Variants in TXNDC16 observed in about 807,000 individuals in gnomAD.
The protein encoded by TXNDC16 is thioredoxin domain-containing protein 16.
TXNDC16 carries 74 observed loss-of-function variants against 85.6 expected under a neutral mutation model. The observed-to-expected ratio is 0.86, with a 90% CI of 0.72 to 1.05. The LOEUF is 1.05. Among genes scored for constraint, TXNDC16 ranks in the 50% least tolerant of loss-of-function variants. The pLI is 0.00. For synonymous variants in TXNDC16, 335 were observed against 326.5 expected, an observed-to-expected ratio of 1.03 and a Z score of -0.28; for missense variants, 959 against 947.0, an observed-to-expected ratio of 1.01 and a Z score of -0.17.
intron 1 of TXNDC16, among the ~76,000 whole-genome samples, chr14:52,547,188 A>G (rs2037957698): frequency 6.6e-6 from 1 of 152,226 alleles, no homozygotes; most frequent in Non-Finnish European, 1.5e-5. Context: ...GCAAACTGAC[A>G]AAACTGCTCA....
chr14:52,433,292 G>A (rs1170312056), intron 20 of TXNDC16, among the ~76,000 whole-genome samples: 1 of 152,050 alleles, frequency 6.6e-6, no homozygotes, highest in Non-Finnish European at 1.5e-5. Context: ...TATTGAAAGA[G>A]GAAAACTGAT....
At chr14:52,491,098 T>C in intron 9 of TXNDC16, 93 bp from the exon 10 acceptor site, 1 of 1,375,780 alleles carries the variant, frequency 7.3e-7, no homozygotes, top group Non-Finnish European at 9.6e-7. Context: ...AAGTCATGAG[T>C]AAAAAAAAGT....
chr14:52,542,393 T>C lies in TXNDC16; in HGVS notation c.221A>G (p.Asp74Gly). 6.2e-7 allele frequency: 1 copy of C among 1,612,114 alleles called. No homozygotes were observed. Among genetic ancestry groups the C allele is most frequent in the Non-Finnish European group, 8.5e-7 (1 of 1,179,022 alleles). The change falls in exon 4 of 21, where the codon GAC (aspartate) becomes GGC (glycine). Residue 74 changes from aspartate to glycine, a missense_variant. By Grantham distance (94) the Asp-to-Gly change is moderately conservative. Transcript: ENST00000281741. ...ELNEAVRPLQ[D>G]YGISVAKVNC... Reference sequence around the variant, plus strand: ...TACCTTGGCAACTGAAATTCCATAGTCCTGCAGAGGTCTAACAGCCTCATT... The same window carrying C: ...TACCTTGGCAACTGAAATTCCATAGCCCTGCAGAGGTCTAACAGCCTCATT...
chr14:52,476,213 C>G (rs538936579), intron 14 of TXNDC16, among the ~76,000 whole-genome samples: 5 of 152,248 alleles, frequency 3.3e-5, no homozygotes, highest in Admixed American at 2.6e-4. Flanking sequence ...TCTGACAGAG[C>G]CTACCCACAT....
At chr14:52,529,675 AATATAT>A (rs1478365008) in intron 6 of TXNDC16, among the ~76,000 whole-genome samples, 1 of 106,758 alleles carries the variant, frequency 9.4e-6, no homozygotes, top group Non-Finnish European at 1.7e-5. Context: ...TATTATATAT[AATATAT>A]ATAATGCCTA....
chr14:52,488,167 T>G (rs2036312866), intron 12 of TXNDC16, among the ~76,000 whole-genome samples, 196 bp downstream of exon 12: 2 of 152,226 alleles, frequency 1.3e-5, no homozygotes, highest in African/African-American at 2.4e-5. Context: ...GTTAATACAT[T>G]AAACAAAATA....
intron 20 of TXNDC16, among the ~76,000 whole-genome samples, chr14:52,437,776 A>T (rs2035063900): frequency 6.6e-6 from 1 of 152,250 alleles, no homozygotes; most frequent in South Asian, 2.1e-4. Context: ...GACACTTCTG[A>T]AAAGAAGACA....
intron 6 of TXNDC16, among the ~76,000 whole-genome samples, chr14:52,525,931 A>T (rs2037323938): frequency 6.6e-6 from 1 of 151,778 alleles, no homozygotes; most frequent in Admixed American, 6.6e-5. Context: ...TCTCTAAATC[A>T]CTTACTTATC....
intron 6 of TXNDC16, among the ~76,000 whole-genome samples, chr14:52,531,689 T>C (rs553874023): frequency 6.6e-6 from 1 of 152,080 alleles, no homozygotes. Flanking sequence ...CAGAGCATTT[T>C]GGGGGTAGTG....
chr14:52,490,881 G>A lies in TXNDC16; in HGVS notation c.881C>T (p.Ala294Val). Residue 294 changes from alanine to valine, a missense_variant, in exon 10 of 21, where the codon GCT (alanine) becomes GTT (valine). Coordinates refer to ENST00000281741, the MANE Select transcript of TXNDC16 (RefSeq NM_020784.3). ...TCCTGCTTTTCCCAGAAGACGCCAA[G>A]CAACCCATTCTGCAGTTCTTCTATC... ...EADRRTAEWVAWRLLGKAGVL... is the reference protein window; with the variant it reads ...EADRRTAEWVVWRLLGKAGVL... 1 of 1,612,864 alleles carries A rather than the reference G, an allele frequency of 6.2e-7. No individual in the cohort carries two copies. Among genetic ancestry groups the A allele is most frequent in the Non-Finnish European group, 8.5e-7 (1 of 1,179,686 alleles).
At position 52,470,672 on chromosome 14, in the gene TXNDC16, T is replaced by C. The variant is rs1004619394; in HGVS notation, c.1321A>G (p.Thr441Ala). ...DVAVKLKGTS[T>A]MLLTRINCAD... ...CAGTTTATTCTAGTAAGAAGCATAG[T>C]AGATGTGCCTAAATAAAAGGAAAAT... The change falls in exon 15 of 21, where the codon ACT becomes GCT. Residue 441 changes from threonine (T) to alanine (A), a missense_variant. Physicochemically the swap from Thr to Ala is moderately conservative, Grantham distance 58 (BLOSUM62 0). Coordinates refer to ENST00000281741, the MANE Select transcript of TXNDC16 (RefSeq NM_020784.3). 18 of 1,598,542 alleles carry C rather than the reference T, an allele frequency of 1.1e-5. No individual in the cohort carries two copies. Among genetic ancestry groups the C allele is most frequent in the Non-Finnish European group, 1.4e-5 (17 of 1,174,422 alleles).
Position 52,542,371 on chromosome 14 carries a change from C to T in TXNDC16, c.243G>A (p.Lys81=). The change falls in exon 4 of 21, where the codon AAG becomes AAA. Residue 81 remains lysine, a splice_region_variant and synonymous_variant. Transcript: ENST00000281741. ...TTTAGTAACATAAATATCTTTCTAC[C>T]TTGGCAACTGAAATTCCATAGTCCT... is the stretch of plus-strand genomic sequence containing the variant. ...PLQDYGISVA[K]VNCVKEEISR... 1 of 1,597,162 alleles carries T rather than the reference C, an allele frequency of 6.3e-7. No homozygotes were observed. The highest frequency in any genetic ancestry group is 8.5e-7 in the Non-Finnish European group (1 of 1,170,546).
At chr14:52,527,437 T>C (rs957609477) in intron 6 of TXNDC16, among the ~76,000 whole-genome samples, 1 of 123,014 alleles carries the variant, frequency 8.1e-6, no homozygotes, top group Non-Finnish European at 1.8e-5. Context: ...ATGATTTTTG[T>C]TTTTTTCACA....
intron 16 of TXNDC16, among the ~76,000 whole-genome samples, chr14:52,465,777 T>A (rs1412332340): frequency 1.3e-5 from 2 of 152,144 alleles, no homozygotes; most frequent in Non-Finnish European, 2.9e-5. Context: ...AGTAACGGTC[T>A]AAGTAAAGAG....
chr14:52,446,950 G>A (rs772099284), intron 18 of TXNDC16, among the ~76,000 whole-genome samples: 12 of 150,642 alleles, frequency 8.0e-5, no homozygotes, highest in Non-Finnish European at 1.6e-4. Flanking sequence ...GAGACTTGCT[G>A]ACTTCAGGTG....
At chr14:52,542,740 A>G (rs942913388) in intron 3 of TXNDC16, among the ~76,000 whole-genome samples, 2 of 152,140 alleles carry the variant, frequency 1.3e-5, no homozygotes, top group African/African-American at 2.4e-5. Context: ...TCTTCCTCCA[A>G]GTTTAATACC....
At chr14:52,481,637 T>C (rs1286681246) in intron 14 of TXNDC16, among the ~76,000 whole-genome samples, 1 of 152,174 alleles carries the variant, frequency 6.6e-6, no homozygotes, top group African/African-American at 2.4e-5. Flanking sequence ...TTACCTCTCT[T>C]ACTAACAGGC....
At chr14:52,527,560 G>GT (rs1415982408) in intron 6 of TXNDC16, among the ~76,000 whole-genome samples, 2 of 152,186 alleles carry the variant, frequency 1.3e-5, no homozygotes, top group African/African-American at 4.8e-5. Context: ...GAGAGGAAGA[G>GT]TAAGTGTGCC....
At chr14:52,447,255 T>G (rs2035306496) in intron 18 of TXNDC16, among the ~76,000 whole-genome samples, 1 of 152,074 alleles carries the variant, frequency 6.6e-6, no homozygotes, top group Admixed American at 6.5e-5. Context: ...TAAGAGAACA[T>G]GAGCAGTAGC....
Sources: gnomAD v4.1 joint callset for allele counts (sites outside exome capture counted in the v4.1 genomes callset) on GRCh38, gnomAD v4.1.1 for gene constraint, MANE v1.5 for transcripts, NCBI Gene and HGNC (gene_info 2026-07-23, HGNC 2026-07-21) for gene names.